GALNT15: variants seen among roughly 807,000 people sequenced by gnomAD.
GALNT15 encodes the protein UDP-GalNAc transferase T15.
GALNT15 carries 67 observed loss-of-function variants against 66.8 expected under a neutral mutation model. The ratio of observed to expected loss-of-function variants is 1.00; its 90% CI spans 0.82 to 1.23. The LOEUF is 1.23. Among genes scored for constraint, GALNT15 ranks in the 50% most tolerant of loss-of-function variants. The probability of loss-of-function intolerance (pLI) is 0.00; values close to 1 mark genes in which losing one functional copy is unlikely to be tolerated. For synonymous variants in GALNT15, 313 were observed against 311.5 expected (o/e 1.00, Z -0.05); for missense variants, 827 against 804.3 (o/e 1.03, Z -0.34).
chr3:16,213,928 C>G (rs2124890242), intron 6 of GALNT15, among the ~76,000 whole-genome samples: 1 of 152,314 alleles, frequency 6.6e-6, no homozygotes, highest in Admixed American at 6.5e-5. Context: ...GCCTCCAGGG[C>G]CTGGGATGTG....
At position 16,195,691 on chromosome 3, in the gene GALNT15, A is replaced by AG. The variant is rs2063624989; in HGVS notation, c.540-68dup. The AG allele has an allele frequency of 4.2e-6, 6 of 1,413,840 alleles. No individual in the cohort carries two copies. The highest frequency in any genetic ancestry group is 5.9e-6 in the Non-Finnish European group (6 of 1,024,728). The allele number at this position is 1,413,840 out of a possible 1,614,324, so 87.6% of individuals were successfully genotyped here. A position where few individuals can be genotyped will look rare whatever the true frequency, so the allele number is the denominator to read the frequency against. ...AGCTCCAGCCAGAGCAAAGGAAGCG[A>AG]GTTAGAGGGTGTGGAGTGTTTCTTG... On this transcript the variant is annotated intron_variant, in intron 1 of 9. Coordinates refer to ENST00000339732, the MANE Select transcript of GALNT15 (RefSeq NM_054110.5). The surrounding 1 kb of genome is among the most constrained non-coding windows in gnomAD (Gnocchi z 4.6).
rs983587324 is a variant in GALNT15 at position 16,187,305 on chromosome 3, T to C, written c.540-8455T>C. Among the ~76,000 whole-genome samples, 2 of 152,220 alleles carry C rather than the reference T, an allele frequency of 1.3e-5. No homozygotes were observed. The highest frequency in any genetic ancestry group is 1.3e-4 in the Admixed American group (2 of 15,292). On this transcript the variant is annotated intron_variant, in intron 1 of 9. Coordinates refer to ENST00000339732, the MANE Select transcript of GALNT15 (RefSeq NM_054110.5). The surrounding 1 kb of genome is among the most constrained non-coding windows in gnomAD (Gnocchi z 5.1). The stretch of plus-strand genomic sequence containing the variant: ...ATTTCAAACAATAACCATTTCTATG[T>C]TATGGTTCTATAATTTGGACCGGAC...
rs1485645549 is a variant in GALNT15 at position 16,175,515 on chromosome 3, C to T, written c.364C>T (p.Gln122Ter). The T allele has an allele frequency of 2.5e-6, 4 of 1,613,786 alleles. No homozygotes were observed. Among genetic ancestry groups the T allele is most frequent in the East Asian group, 4.5e-5 (2 of 44,876 alleles). Residue 122 changes from glutamine to a stop codon, truncating the protein, a stop_gained, in exon 1 of 10, where the codon CAG becomes TAG. Transcript: ENST00000339732. LOFTEE classifies it high-confidence loss of function. The surrounding 1 kb of genome is among the most constrained non-coding windows in gnomAD (Gnocchi z 5.6). ...RRGGSYRLIK[Q>*]PRRQDKEAPK... ...AGGTGGGAGCTACCGCCTCATCAAG[C>T]AGCCAAGGAGGCAGGATAAGGAAGC...
At chr3:16,207,501 TAAA>T (rs36127239) in intron 3 of GALNT15, among the ~76,000 whole-genome samples, 1 of 39,802 alleles carries the variant, frequency 2.5e-5, no homozygotes, top group African/African-American at 1.1e-4. Flanking sequence ...CTCCAGGCTG[TAAA>T]AAAAAAAAAA....
Position 16,225,716 on chromosome 3 carries a change from AAAAG to A in GALNT15, c.1774-1634_1774-1631del, listed in dbSNP as rs1007175040. Among the ~76,000 whole-genome samples the A allele has an allele frequency of 5.3e-5, 8 of 151,834 alleles. No homozygotes were observed. The highest frequency in any genetic ancestry group is 1.5e-4 in the African/African-American group (6 of 41,306). ...TCAAAATAAATAAATAAATAAAAGA[AAAAG>A]AAAAAAAGAAGAAAAAGATTTGTGG... On this transcript the variant is annotated intron_variant, in intron 9 of 9. Coordinates refer to ENST00000339732, the MANE Select transcript of GALNT15 (RefSeq NM_054110.5). The surrounding 1 kb of genome is among the most constrained non-coding windows in gnomAD (Gnocchi z 4.4).
intron 1 of GALNT15, among the ~76,000 whole-genome samples, chr3:16,179,814 C>G (rs995834914): frequency 5.9e-5 from 9 of 152,140 alleles, no homozygotes; most frequent in Non-Finnish European, 1.0e-4. Context: ...TGAATGAATA[C>G]TGAGGCAAAA....
rs1188750608 is a variant in GALNT15, at chr3:16,191,138, TGAGGA to T, written c.540-4618_540-4614del. ...TGGTTCACCATCTTCTCTCTCACTA[TGAGGA>T]GAGAAGTTACATCTGTTCATAAAAC... is the stretch of plus-strand genomic sequence containing the variant. On this transcript the variant is annotated intron_variant, in intron 1 of 9. Transcript: ENST00000339732. The surrounding 1 kb of genome is among the most constrained non-coding windows in gnomAD (Gnocchi z 5.2). 1.3e-5 allele frequency among the ~76,000 whole-genome samples: 2 copies of T among 152,194 alleles called. No individual in the cohort carries two copies. The highest frequency in any genetic ancestry group is 4.8e-5 in the African/African-American group (2 of 41,440).
At chr3:16,221,398 G>A (rs1029991071) in intron 8 of GALNT15, among the ~76,000 whole-genome samples, 3 of 151,526 alleles carry the variant, frequency 2.0e-5, no homozygotes, top group African/African-American at 4.8e-5. Context: ...ATGAATAAAC[G>A]AGTTTATAAG....
rs2063502657 is a variant in GALNT15 at position 16,184,852 on chromosome 3, C to T, written c.539+9162C>T. Reference sequence around the variant, plus strand: ...ATCTCAGCGCTTCCTACCCTCTGCCCTTAGGGGTGAGGGTGCTGGGTGTTT... The same window carrying T: ...ATCTCAGCGCTTCCTACCCTCTGCCTTTAGGGGTGAGGGTGCTGGGTGTTT... On this transcript the variant is annotated intron_variant, in intron 1 of 9. Transcript: ENST00000339732. The surrounding 1 kb of genome is among the most constrained non-coding windows in gnomAD (Gnocchi z 5.0). Among the ~76,000 whole-genome samples, 2 of 152,196 alleles carry T rather than the reference C, an allele frequency of 1.3e-5. No homozygotes were observed. Among genetic ancestry groups the T allele is most frequent in the South Asian group, 4.1e-4 (2 of 4,830 alleles).
Position 16,180,834 on chromosome 3 carries a change from T to C in GALNT15, c.539+5144T>C, listed in dbSNP as rs923363496. Among the ~76,000 whole-genome samples the C allele has an allele frequency of 5.9e-5, 9 of 152,234 alleles. No homozygotes were observed. Among genetic ancestry groups the C allele is most frequent in the African/African-American group, 2.2e-4 (9 of 41,472 alleles). On this transcript the variant is annotated intron_variant, in intron 1 of 9. Transcript: ENST00000339732. This position sits in a 1 kb window ranked among gnomAD's most constrained non-coding sequence, Gnocchi z 5.0. ...ACTTGCCTTTATGGTTCAGCCTGTG[T>C]TTCCCTGGTTTATGTACCCATAGCT...
intron 3 of GALNT15, among the ~76,000 whole-genome samples, chr3:16,201,385 G>C (rs2063701386): frequency 6.6e-6 from 1 of 150,678 alleles, no homozygotes; most frequent in Non-Finnish European, 1.5e-5. Flanking sequence ...GTTTCACCGT[G>C]TTAGCCAGGA....
At chr3:16,241,775 T>C in the GALNT15 span, among the ~76,000 whole-genome samples, 4 of 152,182 alleles carry the variant, frequency 2.6e-5, no homozygotes, top group Admixed American at 2.6e-4. The surrounding 1 kb of genome is among the most constrained non-coding windows in gnomAD (Gnocchi z 4.6). Context: ...CTTGAACTCC[T>C]GACCTCAGGT....
downstream of GALNT15, among the ~76,000 whole-genome samples, chr3:16,236,130 A>AAAAAAAAAAAAAAAC: frequency 6.8e-6 from 1 of 147,514 alleles, no homozygotes; most frequent in African/African-American, 2.5e-5. Context: ...AAAAAAAAAA[A>AAAAAAAAAAAAAAAC]AGGACTGGGC....
rs1408775838 is a variant in GALNT15, at chr3:16,186,656, A to T, written c.540-9104A>T. ...CTACAACATGATTAAGCTTGAAAAC[A>T]TTATGATAAGTGAAAGAAATCAGTC... On this transcript the variant is annotated intron_variant, in intron 1 of 9. Coordinates refer to ENST00000339732, the MANE Select transcript of GALNT15 (RefSeq NM_054110.5). This position sits in a 1 kb window ranked among gnomAD's most constrained non-coding sequence, Gnocchi z 5.1. Among the ~76,000 whole-genome samples, 1 of 152,230 alleles carries T rather than the reference A, an allele frequency of 6.6e-6. No homozygotes were observed. The highest frequency in any genetic ancestry group is 6.5e-5 in the Admixed American group (1 of 15,290).
Position 16,224,249 on chromosome 3 carries a change from A to C in GALNT15, c.1773+1491A>C, listed in dbSNP as rs531656310. 5.3e-5 allele frequency among the ~76,000 whole-genome samples: 8 copies of C among 152,378 alleles called. No homozygotes were observed. Among genetic ancestry groups the C allele is most frequent in the African/African-American group, 1.9e-4 (8 of 41,590 alleles). On this transcript the variant is annotated intron_variant, in intron 9 of 9. Coordinates refer to ENST00000339732, the MANE Select transcript of GALNT15 (RefSeq NM_054110.5). The surrounding 1 kb of genome is among the most constrained non-coding windows in gnomAD (Gnocchi z 5.2). ...TATTCATAGTGGCACTGTTGACAAT[A>C]GCCAAGAAGTGAAAGCAACCCAGGT...
Position 16,191,031 on chromosome 3 carries a change from T to G in GALNT15, c.540-4729T>G, listed in dbSNP as rs2063571994. ...CGGGGCATCCCCCATAGCCTTGTAA[T>G]GGCTTTCAAGAACCCATTTGGCCTT... On this transcript the variant is annotated intron_variant, in intron 1 of 9. Transcript: ENST00000339732. This position sits in a 1 kb window ranked among gnomAD's most constrained non-coding sequence, Gnocchi z 5.2. Among the ~76,000 whole-genome samples the G allele has an allele frequency of 6.6e-6, 1 of 152,238 alleles. No individual in the cohort carries two copies. Among genetic ancestry groups the G allele is most frequent in the Admixed American group, 6.5e-5 (1 of 15,284 alleles).
rs895712090 is a variant in GALNT15 at position 16,204,944 on chromosome 3, T to C, written c.912-3559T>C. ...GTCTGAGTGTGGGGGGGAGCGAGCATGTGCGTGCGTGTGTGTGTGCGCGCG... is the reference window on the plus strand; with the variant it reads ...GTCTGAGTGTGGGGGGGAGCGAGCACGTGCGTGCGTGTGTGTGTGCGCGCG... On this transcript the variant is annotated intron_variant, in intron 3 of 9. Transcript: ENST00000339732. This position sits in a 1 kb window ranked among gnomAD's most constrained non-coding sequence, Gnocchi z 4.5. 2.0e-5 allele frequency among the ~76,000 whole-genome samples: 3 copies of C among 151,988 alleles called. No individual in the cohort carries two copies. Among genetic ancestry groups the C allele is most frequent in the African/African-American group, 7.3e-5 (3 of 41,362 alleles).
At position 16,204,817 on chromosome 3, in the gene GALNT15, C is replaced by T. The variant is rs1559684952; in HGVS notation, c.912-3686C>T. Among the ~76,000 whole-genome samples, 1 of 147,418 alleles carries T rather than the reference C, an allele frequency of 6.8e-6. No individual in the cohort carries two copies. The highest frequency in any genetic ancestry group is 6.7e-5 in the Admixed American group (1 of 15,026). On this transcript the variant is annotated intron_variant, in intron 3 of 9. Coordinates refer to ENST00000339732, the MANE Select transcript of GALNT15 (RefSeq NM_054110.5). This position sits in a 1 kb window ranked among gnomAD's most constrained non-coding sequence, Gnocchi z 4.5. ...AAGCAATGTGGGGCAGGGAGAAGAACACCTCCCACTCTGCCCTTTGAAGGG... is the reference window on the plus strand; with the variant it reads ...AAGCAATGTGGGGCAGGGAGAAGAATACCTCCCACTCTGCCCTTTGAAGGG...
rs1574965746 is a variant in GALNT15, at chr3:16,176,750, T to A, written c.539+1060T>A. On this transcript the variant is annotated intron_variant, in intron 1 of 9. Coordinates refer to ENST00000339732, the MANE Select transcript of GALNT15 (RefSeq NM_054110.5). This position sits in a 1 kb window ranked among gnomAD's most constrained non-coding sequence, Gnocchi z 5.6. Reference sequence around the variant, plus strand: ...TGCTCCTCCCAGAGCCTGGAGAGTTTCCTGGAAAGCAAACATTTGTGCAGG... The same window carrying A: ...TGCTCCTCCCAGAGCCTGGAGAGTTACCTGGAAAGCAAACATTTGTGCAGG... 6.6e-6 allele frequency among the ~76,000 whole-genome samples: 1 copy of A among 152,188 alleles called. No homozygotes were observed. The highest frequency in any genetic ancestry group is 1.5e-5 in the Non-Finnish European group (1 of 68,028).
Sources: allele counts gnomAD v4.1 joint callset (sites outside exome capture counted in the v4.1 genomes callset), GRCh38; gene constraint gnomAD v4.1.1; non-coding constraint Gnocchi (gnomAD v3.1); transcripts MANE v1.5; gene names NCBI Gene and HGNC (gene_info 2026-07-23, HGNC 2026-07-21).